The following SEMA5A variants were observed in gnomAD, a reference collection of about 807,000 sequenced individuals.
SEMA5A encodes semaphorin 5A.
In SEMA5A, 55 loss-of-function variants were observed where a neutral mutation model predicts 135.5. The observed-to-expected ratio is 0.41, with a 90% CI of 0.33 to 0.51. SEMA5A has a LOEUF of 0.51. Ranked by LOEUF, SEMA5A falls within the 20% of genes least tolerant of loss-of-function variation. The probability of loss-of-function intolerance (pLI) is 0.37; values close to 1 mark genes in which losing one functional copy is unlikely to be tolerated. For synonymous variants in SEMA5A, 580 were observed against 546.5 expected, an observed-to-expected ratio of 1.06 and a Z score of -0.85; for missense variants, 1,290 against 1,419.9, an observed-to-expected ratio of 0.91 and a Z score of 1.47.
intron 5 of SEMA5A, among the ~76,000 whole-genome samples, chr5:9,258,242 A>T (rs2150506983): frequency 6.6e-6 from 1 of 152,286 alleles, no homozygotes; most frequent in Admixed American, 6.5e-5. Flanking sequence ...CTAACTCTAT[A>T]TTTTCATGTA....
intron 1 of SEMA5A, among the ~76,000 whole-genome samples, chr5:9,513,948 A>G (rs746435705): frequency 6.6e-6 from 1 of 152,172 alleles, no homozygotes; most frequent in Admixed American, 6.5e-5. Flanking sequence ...AAAACAACTC[A>G]TATTTATTCT....
At chr5:9,407,992 G>A (rs535977142) in intron 2 of SEMA5A, among the ~76,000 whole-genome samples, 64 of 83,584 alleles carry the variant, frequency 7.7e-4, no homozygotes, top group Middle Eastern at 5.9e-3. Context: ...CACTACTACT[G>A]CCATCATCAC....
At chr5:9,465,284 A>G (rs907360636) in intron 1 of SEMA5A, among the ~76,000 whole-genome samples, 1 of 152,236 alleles carries the variant, frequency 6.6e-6, no homozygotes, top group Non-Finnish European at 1.5e-5. Context: ...TAAGAATCTT[A>G]TGTAAAATAT....
intron 5 of SEMA5A, among the ~76,000 whole-genome samples, chr5:9,253,635 C>T (rs925478880): frequency 2.6e-5 from 4 of 152,104 alleles, no homozygotes; most frequent in African/African-American, 9.7e-5. Flanking sequence ...CCTACTAATA[C>T]ACTATCCAGG....
intron 1 of SEMA5A, among the ~76,000 whole-genome samples, chr5:9,467,380 G>A (rs1759302621): frequency 1.3e-5 from 2 of 152,124 alleles, no homozygotes; most frequent in African/African-American, 4.8e-5. Flanking sequence ...CCAAAGTGCT[G>A]GGATTACAAA....
intron 2 of SEMA5A, among the ~76,000 whole-genome samples, chr5:9,389,320 T>C (rs890820185): frequency 1.3e-5 from 2 of 152,180 alleles, no homozygotes; most frequent in African/African-American, 4.8e-5. Context: ...TGATTTCACA[T>C]GGTCTCTAAA....
At chr5:9,097,178 T>G (rs1232114940) in intron 16 of SEMA5A, among the ~76,000 whole-genome samples, 2 of 152,174 alleles carry the variant, frequency 1.3e-5, no homozygotes, top group Non-Finnish European at 2.9e-5. Context: ...CATTTTGATT[T>G]AAGCCTCACA....
chr5:9,363,545 A>G (rs13156359), intron 3 of SEMA5A: 1 of 152,222 alleles, frequency 6.6e-6, no homozygotes, highest in Non-Finnish European at 1.5e-5. Context: ...AGAACTAGCA[A>G]ATGTTTTCAC....
At chr5:9,388,469 G>GAAAAAAAAAAA (rs397996757) in intron 2 of SEMA5A, among the ~76,000 whole-genome samples, 2 of 110,494 alleles carry the variant, frequency 1.8e-5, no homozygotes, top group African/African-American at 6.8e-5. Context: ...TCCTTTCTAA[G>GAAAAAAAAAAA]AAAAAAAAAA....
At position 9,313,223 on chromosome 5, in the gene SEMA5A, GA is replaced by G. The variant is rs370799385; in HGVS notation, c.270+5148del. On this transcript the variant is annotated intron_variant, in intron 5 of 22. Coordinates refer to ENST00000382496, the MANE Select transcript of SEMA5A (RefSeq NM_003966.3). Reference sequence around the variant, plus strand: ...GCAGGAGAAAAAATTTGGGAGAGAGGAAAATTGTAAAACAGTATTGAGAAGA... The same window carrying G: ...GCAGGAGAAAAAATTTGGGAGAGAGGAAATTGTAAAACAGTATTGAGAAGA... Among the ~76,000 whole-genome samples, 1,417 of 152,126 alleles carry G rather than the reference GA, an allele frequency of 9.3e-3. 20 individuals carry two copies. Among genetic ancestry groups the G allele is most frequent in the African/African-American group, 0.032 (1,341 of 41,476 alleles).
At chr5:9,066,672 T>C (rs747445539) in intron 16 of SEMA5A, 26 bp from the exon 17 acceptor site, 5 of 1,606,846 alleles carry the variant, frequency 3.1e-6, no homozygotes, top group Non-Finnish European at 4.3e-6. Flanking sequence ...AGACGAGTGT[T>C]ACTATACGGG....
rs138113855 is a variant in SEMA5A at position 9,054,406 on chromosome 5, G to A, written c.2519-149C>T. The A allele has an allele frequency of 2.8e-4, 269 of 950,844 alleles. 1 individual carries two copies. In the African/African-American group the frequency reaches 3.4e-3, roughly 12 times the overall value. The allele number at this position is 950,844 out of a possible 1,614,324, so 58.9% of individuals were successfully genotyped here. On this transcript the variant is annotated intron_variant, in intron 18 of 22. Transcript: ENST00000382496. ...GAAAGGCTTCAGTGCATAGGCACACGTAGCAACAAGGCTTCTGACCCCTCG... is the reference window on the plus strand; with the variant it reads ...GAAAGGCTTCAGTGCATAGGCACACATAGCAACAAGGCTTCTGACCCCTCG...
intron 1 of SEMA5A, among the ~76,000 whole-genome samples, chr5:9,444,626 T>G (rs1006016535): frequency 6.6e-6 from 1 of 152,236 alleles, no homozygotes; most frequent in African/African-American, 2.4e-5. Context: ...ATTTTTGCAA[T>G]TGCGAACTGT....
chr5:9,518,724 T>C (rs1315610820), intron 1 of SEMA5A, among the ~76,000 whole-genome samples: 1 of 152,204 alleles, frequency 6.6e-6, no homozygotes, highest in East Asian at 1.9e-4. Flanking sequence ...TCAGACGAGC[T>C]TGTGCACTGC....
intron 10 of SEMA5A, 99 bp downstream of exon 10, chr5:9,197,069 C>T (rs1406932864): frequency 2.5e-5 from 38 of 1,511,808 alleles, no homozygotes; most frequent in Non-Finnish European, 6.3e-6. Flanking sequence ...CTGCATGGTG[C>T]ATGCACCCGC....
intron 2 of SEMA5A, among the ~76,000 whole-genome samples, chr5:9,393,223 A>G (rs1190522549): frequency 6.6e-6 from 1 of 152,262 alleles, no homozygotes; most frequent in South Asian, 2.1e-4. Flanking sequence ...ATGAAAATAC[A>G]AAAATGATCC....
intron 17 of SEMA5A, among the ~76,000 whole-genome samples, chr5:9,064,745 A>T (rs1367570025): frequency 1.3e-5 from 2 of 152,112 alleles, no homozygotes; most frequent in Non-Finnish European, 2.9e-5. Context: ...AACAAGCAAA[A>T]ACCAAAAAAT....
At chr5:9,488,733 A>T (rs1386511933) in intron 1 of SEMA5A, among the ~76,000 whole-genome samples, 1 of 152,192 alleles carries the variant, frequency 6.6e-6, no homozygotes, top group Non-Finnish European at 1.5e-5. Context: ...TTCTAGAATA[A>T]AATTTTCCCA....
chr5:9,202,777 T>C (rs890441946), intron 8 of SEMA5A, among the ~76,000 whole-genome samples: 13 of 152,124 alleles, frequency 8.5e-5, no homozygotes, highest in Non-Finnish European at 1.5e-5. Flanking sequence ...GGAATGAAAA[T>C]AAAGACTAAA....
Sources: gnomAD v4.1 joint callset for allele counts (sites outside exome capture counted in the v4.1 genomes callset) on GRCh38, gnomAD v4.1.1 for gene constraint, MANE v1.5 for transcripts, NCBI Gene and HGNC (gene_info 2026-07-23, HGNC 2026-07-21) for gene names.